The following MORC1 variants were observed in gnomAD, a reference collection of about 807,000 sequenced individuals.
The protein encoded by MORC1 is MORC family CW-type zinc finger protein 1.
MORC1 carries 59 observed loss-of-function variants against 134.9 expected under a neutral mutation model. That is an observed-to-expected ratio of 0.44 (90% CI 0.35 to 0.54). The LOEUF is 0.54. MORC1 is among the 20% of genes least tolerant of loss of function. The pLI is 0.00. For missense variants in MORC1, 947 were observed against 1,134.5 expected (o/e 0.83, Z 2.37); for synonymous variants, 395 against 391.7 (o/e 1.01, Z -0.10).
At chr3:109,008,718 TATA>T (rs1338174877) in intron 17 of MORC1, among the ~76,000 whole-genome samples, 4 of 152,116 alleles carry the variant, frequency 2.6e-5, no homozygotes, top group African/African-American at 9.7e-5. Context: ...GATAACTATA[TATA>T]ATATTTTTAG....
chr3:109,043,077 G>A (rs530531549), intron 14 of MORC1, among the ~76,000 whole-genome samples: 1 of 150,022 alleles, frequency 6.7e-6, no homozygotes, highest in Admixed American at 6.7e-5. Context: ...GGGCCTTGAA[G>A]AGAAATGTGT....
At chr3:109,068,135 T>A (rs2107702193) in intron 9 of MORC1, among the ~76,000 whole-genome samples, 1 of 152,318 alleles carries the variant, frequency 6.6e-6, no homozygotes, top group South Asian at 2.1e-4. Context: ...AAGGCACATA[T>A]ATAAGTAGTG....
rs373942374 is a variant in MORC1 at position 109,105,617 on chromosome 3, T to C, written c.155-1700A>G. ...TCACTTGAGCCTAGGACTTCAAGTT[T>C]GCAGTAAGCTATGATCACACCACTG... On this transcript the variant is annotated intron_variant, in intron 3 of 27. Coordinates refer to ENST00000232603, the MANE Select transcript of MORC1 (RefSeq NM_014429.4). Among the ~76,000 whole-genome samples, 11 of 151,660 alleles carry C rather than the reference T, an allele frequency of 7.3e-5. No homozygotes were observed. The East Asian group carries it at 1.4e-3, about 19-fold the overall frequency.
intron 15 of MORC1, 112 bp downstream of exon 15, chr3:109,035,227 TG>T: frequency 9.9e-7 from 1 of 1,009,956 alleles, no homozygotes; most frequent in Non-Finnish European, 1.4e-6. Flanking sequence ...TGTAAACTCC[TG>T]GAAAGCAAGA....
chr3:109,008,251 A>G lies in MORC1; in HGVS notation c.1705-1160T>C, dbSNP rs1011241125. 7.2e-5 allele frequency among the ~76,000 whole-genome samples: 11 copies of G among 152,262 alleles called. No homozygotes were observed. The East Asian group carries it at 2.1e-3, about 29-fold the overall frequency. On this transcript the variant is annotated intron_variant, in intron 17 of 27. Transcript: ENST00000232603. ...AATAGGTAATTTCACATTTGGGTGA[A>G]TATGTCCATATAATCAATTTCCAAA...
At chr3:109,007,154 G>T in intron 17 of MORC1, 63 bp from the exon 18 acceptor site, 2 of 1,269,666 alleles carry the variant, frequency 1.6e-6, no homozygotes, top group Non-Finnish European at 2.2e-6. Context: ...CTGGCATAGG[G>T]TAATAATTCA....
At chr3:109,002,032 C>T (rs547267108) in intron 20 of MORC1, among the ~76,000 whole-genome samples, 1 of 152,272 alleles carries the variant, frequency 6.6e-6, no homozygotes, top group Admixed American at 6.5e-5. Context: ...ATAAAGACTG[C>T]CTCCAGGAAA....
At chr3:109,011,844 C>A (rs762075621) in intron 17 of MORC1, among the ~76,000 whole-genome samples, 13 of 152,190 alleles carry the variant, frequency 8.5e-5, no homozygotes, top group Non-Finnish European at 1.6e-4. Context: ...TCTCTCCATA[C>A]TCCAGATACA....
At chr3:109,032,905 A>C (rs542461338) in intron 15 of MORC1, 80 bp from the exon 16 acceptor site, 17 of 901,854 alleles carry the variant, frequency 1.9e-5, no homozygotes, top group Non-Finnish European at 2.7e-5. Flanking sequence ...GCACATATCA[A>C]AAGTATGAGG....
intron 8 of MORC1, among the ~76,000 whole-genome samples, chr3:109,087,495 AT>A (rs1950635877): frequency 6.6e-6 from 1 of 152,178 alleles, no homozygotes; most frequent in Non-Finnish European, 1.5e-5. Flanking sequence ...AAAGAATAAA[AT>A]ACCTAGAAAT....
chr3:109,063,113 AC>A, intron 10 of MORC1, 38 bp downstream of exon 10: 2 of 1,423,118 alleles, frequency 1.4e-6, no homozygotes, highest in Non-Finnish European at 2.0e-6. Flanking sequence ...TTGCTGAATG[AC>A]TGAACAACAA....
intron 20 of MORC1, among the ~76,000 whole-genome samples, chr3:109,002,601 G>A (rs973424685): frequency 2.0e-4 from 30 of 152,276 alleles, no homozygotes; most frequent in South Asian, 4.2e-4. Flanking sequence ...TTTATCTCTC[G>A]GTAAGAAAGA....
Position 109,114,344 on chromosome 3 carries a change from G to A in MORC1, c.119+40C>T, listed in dbSNP as rs925175072. 14 of 1,535,188 alleles carry A rather than the reference G, an allele frequency of 9.1e-6. No homozygotes were observed. The African/African-American group carries it at 1.9e-4, about 21-fold the overall frequency. Reference sequence around the variant, plus strand: ...TGTAATTAGACAAGAGTTATGTCATGAAATTCCCTCAGTAACTGTTGTTTA... The same window carrying A: ...TGTAATTAGACAAGAGTTATGTCATAAAATTCCCTCAGTAACTGTTGTTTA... On this transcript the variant is annotated intron_variant, in intron 2 of 27. Coordinates refer to ENST00000232603, the MANE Select transcript of MORC1 (RefSeq NM_014429.4).
intron 8 of MORC1, among the ~76,000 whole-genome samples, chr3:109,070,430 G>A (rs535208278): frequency 9.9e-5 from 15 of 152,230 alleles, no homozygotes; most frequent in African/African-American, 2.6e-4. Flanking sequence ...TTGGGAAATC[G>A]CCATGTCATT....
chr3:109,082,923 G>A (rs898900765), intron 8 of MORC1, among the ~76,000 whole-genome samples: 90 of 152,124 alleles, frequency 5.9e-4, no homozygotes, highest in African/African-American at 2.1e-3. Context: ...ATCCAGGTAT[G>A]GAAGCTCAGA....
At chr3:109,112,682 A>G (rs946335070) in intron 2 of MORC1, among the ~76,000 whole-genome samples, 1 of 152,188 alleles carries the variant, frequency 6.6e-6, no homozygotes, top group Non-Finnish European at 1.5e-5. Flanking sequence ...TACTTCTCCT[A>G]ATCTTTCAAG....
At chr3:109,091,216 G>A (rs1456350917) in intron 8 of MORC1, among the ~76,000 whole-genome samples, 4 of 151,818 alleles carry the variant, frequency 2.6e-5, no homozygotes, top group Non-Finnish European at 5.9e-5. Context: ...GGCTGGGGGA[G>A]TAGATCACCT....
intron 14 of MORC1, among the ~76,000 whole-genome samples, chr3:109,039,991 T>C (rs1949471255): frequency 6.6e-6 from 1 of 151,992 alleles, no homozygotes; most frequent in Admixed American, 6.6e-5. Context: ...AATTAGGAAG[T>C]CACTGCACGT....
At chr3:108,979,738 A>G in intron 23 of MORC1, 71 bp from the exon 24 acceptor site, 1 of 1,542,590 alleles carries the variant, frequency 6.5e-7, no homozygotes. Flanking sequence ...ATATACAAAA[A>G]TGAGTGAAAT....
Sources: allele counts gnomAD v4.1 joint callset (sites outside exome capture counted in the v4.1 genomes callset), GRCh38; gene constraint gnomAD v4.1.1; transcripts MANE v1.5; gene names NCBI Gene and HGNC (gene_info 2026-07-23, HGNC 2026-07-21).